BAIAP2L1: variants seen among roughly 807,000 people sequenced by gnomAD.
The protein encoded by BAIAP2L1 is BAR/IMD domain-containing adapter protein 2-like 1.
BAIAP2L1 carries 35 observed loss-of-function variants against 66.3 expected under a neutral mutation model. The observed-to-expected ratio is 0.53, with a 90% confidence interval of 0.40 to 0.70. The LOEUF (loss-of-function observed/expected upper bound fraction) is 0.70. Among genes scored for constraint, BAIAP2L1 ranks in the 30% least tolerant of loss-of-function variants. BAIAP2L1 has a pLI of 0.00. For missense variants in BAIAP2L1, 622 were observed against 656.9 expected (o/e 0.95, Z 0.58); for synonymous variants, 269 against 248.7 (o/e 1.08, Z -0.77).
At position 98,292,690 on chromosome 7, in the gene BAIAP2L1, A is replaced by G; in HGVS notation, c.*831T>C. On this transcript the variant is annotated 3_prime_UTR_variant, in exon 14 of 14. Coordinates refer to ENST00000005260, the MANE Select transcript of BAIAP2L1 (RefSeq NM_018842.5). Reference sequence around the variant, plus strand: ...CGTATCCTTTGAGAGTCTGTACCTGATTCAAACACGGAGAAACCAGGACCC... The same window carrying G: ...CGTATCCTTTGAGAGTCTGTACCTGGTTCAAACACGGAGAAACCAGGACCC... The G allele has an allele frequency of 6.4e-7, 1 of 1,551,618 alleles. No individual in the cohort carries two copies.
intron 3 of BAIAP2L1, among the ~76,000 whole-genome samples, chr7:98,332,446 A>G (rs1417947331): frequency 4.8e-5 from 7 of 145,374 alleles, no homozygotes; most frequent in Non-Finnish European, 9.0e-5. Flanking sequence ...TCACCTTTTC[A>G]GTGAGGTACA....
At position 98,340,793 on chromosome 7, in the gene BAIAP2L1, G is replaced by GTT. The variant is rs11455938; in HGVS notation, c.214+14247_214+14248dup. Among the ~76,000 whole-genome samples the GTT allele has an allele frequency of 6.1e-3, 842 of 138,012 alleles. 11 individuals are homozygous for GTT. The highest frequency in any genetic ancestry group is 0.017 in the African/African-American group (642 of 37,376). 90.5% of individuals were successfully genotyped at this position (138,012 alleles called of 152,430 possible). A position where few individuals can be genotyped will look rare whatever the true frequency, so the allele number is the denominator to read the frequency against. The stretch of plus-strand genomic sequence containing the variant: ...ACTTCCACAGTACATGCTCTTACAG[G>GTT]TTTTTTTTTTTTTTTGCAGGGGACA... On this transcript the variant is annotated intron_variant, in intron 3 of 13. Transcript: ENST00000005260.
rs149859832 is a variant in BAIAP2L1, at chr7:98,393,167, GTATATATA to G, written c.51+7627_51+7634del. ...TGTACATATATATGTACACATATAT[GTATATATA>G]TACATATATGTGTGTGTTTATATAT... On this transcript the variant is annotated intron_variant, in intron 1 of 13. Transcript: ENST00000005260. Among the ~76,000 whole-genome samples, 3 of 81,202 alleles carry G rather than the reference GTATATATA, an allele frequency of 3.7e-5. 1 individual carries two copies. The South Asian group carries it at 1.2e-3, about 33-fold the overall frequency. 53.3% of individuals were successfully genotyped at this position (81,202 alleles called of 152,430 possible).
At chr7:98,341,632 T>A (rs1459159566) in intron 3 of BAIAP2L1, among the ~76,000 whole-genome samples, 2 of 152,198 alleles carry the variant, frequency 1.3e-5, no homozygotes, top group African/African-American at 4.8e-5. Flanking sequence ...AACCAGCCAC[T>A]GACCAGATAC....
chr7:98,318,046 A>G (rs1405149081), intron 5 of BAIAP2L1, among the ~76,000 whole-genome samples: 1 of 151,714 alleles, frequency 6.6e-6, no homozygotes, highest in East Asian at 1.9e-4. Context: ...TGCAACTCAC[A>G]CCATCTGCAT....
chr7:98,383,257 G>A (rs184632090), intron 1 of BAIAP2L1, among the ~76,000 whole-genome samples: 1 of 149,718 alleles, frequency 6.7e-6, no homozygotes, highest in African/African-American at 2.4e-5. Context: ...ATACCAAGAT[G>A]ACTACCATGT....
At chr7:98,334,913 G>A (rs1370794300) in intron 3 of BAIAP2L1, among the ~76,000 whole-genome samples, 1 of 145,964 alleles carries the variant, frequency 6.9e-6, no homozygotes, top group African/African-American at 2.5e-5. Flanking sequence ...ACTTTGGGAG[G>A]CCGAGGCAGG....
At chr7:98,303,451 C>T (rs888404702) in intron 12 of BAIAP2L1, among the ~76,000 whole-genome samples, 4 of 152,220 alleles carry the variant, frequency 2.6e-5, no homozygotes, top group South Asian at 2.1e-4. Context: ...GATGTCCAGC[C>T]GCGCTGCTCC....
At chr7:98,374,425 G>T (rs1272332189) in intron 1 of BAIAP2L1, among the ~76,000 whole-genome samples, 1 of 152,136 alleles carries the variant, frequency 6.6e-6, no homozygotes, top group Non-Finnish European at 1.5e-5. Context: ...TTGAAATGTT[G>T]CATTTTAAAA....
In BAIAP2L1 at chr7:98,350,135, C is replaced by A. The variant is rs112497315; in HGVS notation, c.214+4907G>T. On this transcript the variant is annotated intron_variant, in intron 3 of 13. Coordinates refer to ENST00000005260, the MANE Select transcript of BAIAP2L1 (RefSeq NM_018842.5). Reference sequence around the variant, plus strand: ...AGGGGGGAAAAAAAAAAAGAACATACTGACTGGAAAACAAGGCTAGAAAGA... The same window carrying A: ...AGGGGGGAAAAAAAAAAAGAACATAATGACTGGAAAACAAGGCTAGAAAGA... Among the ~76,000 whole-genome samples the A allele has an allele frequency of 1.6e-4, 25 of 151,984 alleles. 1 individual carries two copies. Among genetic ancestry groups the A allele is most frequent in the African/African-American group, 6.0e-4 (25 of 41,454 alleles).
intron 5 of BAIAP2L1, among the ~76,000 whole-genome samples, chr7:98,318,650 T>C (rs1266039625): frequency 6.6e-6 from 1 of 151,454 alleles, no homozygotes; most frequent in East Asian, 2.0e-4. Flanking sequence ...GAAGTGCAGA[T>C]AAGAAGGATG....
In BAIAP2L1 at chr7:98,396,060, T is replaced by G. The variant is rs148008702; in HGVS notation, c.51+4742A>C. Reference sequence around the variant, plus strand: ...TTATTTTCTTCAACATTCCACACAGTTTTTAGTCAAAAAATAATCATTTTT... The same window carrying G: ...TTATTTTCTTCAACATTCCACACAGGTTTTAGTCAAAAAATAATCATTTTT... On this transcript the variant is annotated intron_variant, in intron 1 of 13. Coordinates refer to ENST00000005260, the MANE Select transcript of BAIAP2L1 (RefSeq NM_018842.5). Among the ~76,000 whole-genome samples the G allele has an allele frequency of 1.4e-3, 215 of 152,198 alleles. 1 individual carries two copies. The highest frequency in any genetic ancestry group is 4.9e-3 in the African/African-American group (204 of 41,530).
chr7:98,318,020 G>A (rs561161457), intron 5 of BAIAP2L1, among the ~76,000 whole-genome samples: 3 of 151,266 alleles, frequency 2.0e-5, no homozygotes, highest in African/African-American at 7.3e-5. Context: ...CTGCATGATG[G>A]CTGGGACCCT....
chr7:98,312,399 G>A, intron 7 of BAIAP2L1, 135 bp from the exon 8 acceptor site: 1 of 939,998 alleles, frequency 1.1e-6, no homozygotes, highest in Non-Finnish European at 1.6e-6. Flanking sequence ...GTTAAACTCG[G>A]TGAGCACTTT....
At chr7:98,360,212 C>T (rs907535458) in intron 2 of BAIAP2L1, among the ~76,000 whole-genome samples, 2 of 152,082 alleles carry the variant, frequency 1.3e-5, no homozygotes, top group African/African-American at 2.4e-5. Context: ...CGTGAACCAC[C>T]GCGCCTGGCC....
Position 98,294,075 on chromosome 7 carries a change from TGAGAA to T in BAIAP2L1, c.1454_1458del (p.Phe485Ter). 6.2e-7 allele frequency: 1 copy of T among 1,614,014 alleles called. No homozygotes were observed. Among genetic ancestry groups the T allele is most frequent in the East Asian group, 2.2e-5 (1 of 44,872 alleles). ...GCTCACGTAGGAAGCCACGCCTACCTGAGAAAAGGCGGCTTTGCAGTCCCGTTGGC... is the reference window on the plus strand; with the variant it reads ...GCTCACGTAGGAAGCCACGCCTACCTAAGGCGGCTTTGCAGTCCCGTTGGC... On this transcript the variant is annotated frameshift_variant and splice_region_variant, in exon 13 of 14. Coordinates refer to ENST00000005260, the MANE Select transcript of BAIAP2L1 (RefSeq NM_018842.5). LOFTEE classifies it high-confidence loss of function.
chr7:98,390,081 A>G (rs895458770), intron 1 of BAIAP2L1, among the ~76,000 whole-genome samples: 2 of 151,712 alleles, frequency 1.3e-5, no homozygotes, highest in Admixed American at 6.6e-5. Context: ...GCACCCGGCT[A>G]ATTTTGTGTA....
intron 3 of BAIAP2L1, among the ~76,000 whole-genome samples, chr7:98,335,029 T>C (rs895862811): frequency 4.7e-5 from 7 of 150,302 alleles, no homozygotes; most frequent in African/African-American, 1.7e-4. Flanking sequence ...GGCGGGTGCC[T>C]GTAGTCTCAG....
chr7:98,297,304 G>A (rs1292047562), intron 12 of BAIAP2L1, among the ~76,000 whole-genome samples: 3 of 152,224 alleles, frequency 2.0e-5, no homozygotes, highest in East Asian at 3.8e-4. Context: ...CTTCCAGGGT[G>A]CCCACCACAT....
Sources: gnomAD v4.1 joint callset for allele counts (sites outside exome capture counted in the v4.1 genomes callset) on GRCh38, gnomAD v4.1.1 for gene constraint, MANE v1.5 for transcripts, NCBI Gene and HGNC (gene_info 2026-07-23, HGNC 2026-07-21) for gene names.